Variants in TTC23 observed in about 807,000 individuals in gnomAD.
TTC23 encodes the protein tetratricopeptide repeat protein 23.
Under a neutral mutation model 55.1 loss-of-function variants are expected in TTC23, and 58 were observed. That is an observed-to-expected ratio of 1.05 (90% CI 0.85 to 1.31). The LOEUF (loss-of-function observed/expected upper bound fraction) is 1.31, where lower values mean the gene tolerates loss of function less well. Among genes scored for constraint, TTC23 ranks in the 50% most tolerant of loss-of-function variants. The pLI is 0.00. For synonymous variants in TTC23, 203 were observed against 199.9 expected (o/e 1.02, Z -0.13); for missense variants, 516 against 534.4 (o/e 0.97, Z 0.34).
At chr15:99,151,109 T>C (rs1180094489) in intron 12 of TTC23, among the ~76,000 whole-genome samples, 1 of 152,150 alleles carries the variant, frequency 6.6e-6, no homozygotes, top group Non-Finnish European at 1.5e-5. Context: ...CCCTCATTGG[T>C]CTGGGACATT....
intron 8 of TTC23, among the ~76,000 whole-genome samples, chr15:99,203,752 TA>T (rs2076388183): frequency 6.6e-6 from 1 of 152,050 alleles, no homozygotes; most frequent in Non-Finnish European, 1.5e-5. Flanking sequence ...GAAAATGTGA[TA>T]TTTTCTGTGC....
At chr15:99,221,657 T>C (rs1567523339) in intron 6 of TTC23, 84 bp downstream of exon 6, 8 of 1,544,890 alleles carry the variant, frequency 5.2e-6, no homozygotes, top group Non-Finnish European at 7.0e-6. Flanking sequence ...AAAAACCTGA[T>C]CCTTCTAATT....
At chr15:99,248,032 G>A (rs2080413984) in intron 1 of TTC23, among the ~76,000 whole-genome samples, 1 of 152,072 alleles carries the variant, frequency 6.6e-6, no homozygotes, top group African/African-American at 2.4e-5. Flanking sequence ...TAAAGACGGG[G>A]CAACCATGAC....
intron 12 of TTC23, among the ~76,000 whole-genome samples, chr15:99,149,400 A>G (rs551724423): frequency 7.0e-4 from 107 of 152,340 alleles, no homozygotes; most frequent in African/African-American, 2.5e-3. Context: ...AAACCAAAGG[A>G]AAAAGGGGTC....
rs571516953 is a variant in TTC23 at position 99,211,626 on chromosome 15, T to C, written c.581+6962A>G. On this transcript the variant is annotated intron_variant, in intron 8 of 13. Transcript: ENST00000394132. ...ATGTTCAATTAGATCATAATGATAA[T>C]TATATTGCCCTTTTCTTTCTTGCTT... Among the ~76,000 whole-genome samples the C allele has an allele frequency of 4.6e-5, 6 of 130,130 alleles. No homozygotes were observed. In the East Asian group the frequency reaches 1.4e-3, roughly 30 times the overall value. The allele number at this position is 130,130 out of a possible 152,430, so 85.4% of individuals were successfully genotyped here.
At chr15:99,160,954 A>T (rs1478249478) in intron 11 of TTC23, 1 of 148,594 alleles carries the variant, frequency 6.7e-6, no homozygotes, top group Non-Finnish European at 1.5e-5. Context: ...CGGAGGTTGC[A>T]GTGAGCTGAG....
chr15:99,208,741 A>T (rs1334424064), intron 8 of TTC23, among the ~76,000 whole-genome samples: 1 of 148,644 alleles, frequency 6.7e-6, no homozygotes, highest in Non-Finnish European at 1.5e-5. Flanking sequence ...TATATTTAAT[A>T]AAAAAGGAAT....
chr15:99,162,800 C>T (rs1433494230), intron 10 of TTC23, among the ~76,000 whole-genome samples: 1 of 152,038 alleles, frequency 6.6e-6, no homozygotes, highest in Non-Finnish European at 1.5e-5. Flanking sequence ...GAGATTATGG[C>T]CGGGGGTGGT....
intron 12 of TTC23, among the ~76,000 whole-genome samples, chr15:99,148,929 T>C (rs1233311231): frequency 1.3e-5 from 2 of 152,218 alleles, no homozygotes; most frequent in East Asian, 3.8e-4. Flanking sequence ...CAGGCCTTCC[T>C]GTTTTTTGTT....
intron 9 of TTC23, among the ~76,000 whole-genome samples, chr15:99,194,437 G>A (rs2075519006): frequency 6.8e-6 from 1 of 148,028 alleles, no homozygotes; most frequent in Non-Finnish European, 1.5e-5. Context: ...AGAGAGCCCA[G>A]AAATAGGCCC....
intron 12 of TTC23, among the ~76,000 whole-genome samples, chr15:99,150,898 C>T (rs74399706): frequency 0.021 from 3,219 of 152,298 alleles, 56 homozygotes; most frequent in Non-Finnish European, 0.03. Context: ...CTTTTTGTTC[C>T]TTAGATGTAC....
chr15:99,192,756 C>T lies in TTC23; in HGVS notation c.759+7163G>A, dbSNP rs950270535. Among the ~76,000 whole-genome samples, 18 of 152,274 alleles carry T rather than the reference C, an allele frequency of 1.2e-4. No homozygotes were observed. In the East Asian group the frequency reaches 3.5e-3, roughly 29 times the overall value. On this transcript the variant is annotated intron_variant, in intron 9 of 13. Transcript: ENST00000394132. ...AGTGGAGCTGTGAGAAGAGGGCCAC[C>T]GTCCTCCAGACCCCAGAATAGTAGA... is the stretch of plus-strand genomic sequence containing the variant.
chr15:99,158,974 A>G (rs913548839), intron 11 of TTC23: 1 of 152,392 alleles, frequency 6.6e-6, no homozygotes. Flanking sequence ...AATCCAGCCT[A>G]TGGTCCTCTC....
intron 6 of TTC23, among the ~76,000 whole-genome samples, chr15:99,220,900 CCT>C (rs1032848148): frequency 9.9e-4 from 151 of 152,268 alleles, no homozygotes; most frequent in African/African-American, 3.5e-3. Flanking sequence ...CGCATTCTCC[CCT>C]CTGTTTCCCT....
chr15:99,164,313 T>A lies in TTC23; in HGVS notation c.866-2446A>T, dbSNP rs560127942. Among the ~76,000 whole-genome samples the A allele has an allele frequency of 2.0e-5, 3 of 152,338 alleles. No individual in the cohort carries two copies. The East Asian group carries it at 5.8e-4, about 29-fold the overall frequency. ...ATACATAAATGAATGAGCATAACCA[T>A]GTTCCAATAAAACTTTATTTACAAA... On this transcript the variant is annotated intron_variant, in intron 10 of 13. Transcript: ENST00000394132.
chr15:99,153,907 C>G (rs782527757), intron 12 of TTC23, among the ~76,000 whole-genome samples: 13 of 152,116 alleles, frequency 8.5e-5, no homozygotes, highest in Non-Finnish European at 1.9e-4. Flanking sequence ...GGGAAGATAA[C>G]TGTTAAAAAG....
chr15:99,174,790 C>T (rs2151930589), intron 10 of TTC23, among the ~76,000 whole-genome samples: 1 of 152,274 alleles, frequency 6.6e-6, no homozygotes, highest in East Asian at 1.9e-4. Context: ...TGCTCTGGGG[C>T]TCTTAACAGC....
At chr15:99,242,418 C>T (rs1013824890) in intron 2 of TTC23, among the ~76,000 whole-genome samples, 7 of 152,012 alleles carry the variant, frequency 4.6e-5, no homozygotes, top group African/African-American at 1.7e-4. Context: ...TCTACCAAAC[C>T]ATTAAAGAAG....
intron 4 of TTC23, among the ~76,000 whole-genome samples, chr15:99,228,981 A>AACACACATACATACATGTATATGTGTATT (rs2078702129): frequency 1.3e-5 from 2 of 148,628 alleles, no homozygotes; most frequent in East Asian, 2.0e-4. Flanking sequence ...CATGTATATA[A>AACACACATACATACATGTATATGTGTATT]ACACACATAC....
Sources: gnomAD v4.1 joint callset for allele counts (sites outside exome capture counted in the v4.1 genomes callset) on GRCh38, gnomAD v4.1.1 for gene constraint, MANE v1.5 for transcripts, NCBI Gene and HGNC (gene_info 2026-07-23, HGNC 2026-07-21) for gene names.